The following LUZP1 variants were observed in gnomAD, a reference collection of about 807,000 sequenced individuals.
The protein encoded by LUZP1 is leucine zipper protein 1, also known as filamin mechanobinding actin cross-linking protein.
LUZP1 carries 25 observed loss-of-function variants against 71.3 expected under a neutral mutation model. The observed-to-expected ratio is 0.35, with a 90% CI of 0.26 to 0.49. The LOEUF is 0.49. LUZP1 is among the 20% of genes least tolerant of loss of function. The pLI is 0.99. For synonymous variants in LUZP1, 481 were observed against 506.4 expected, an observed-to-expected ratio of 0.95 and a Z score of 0.67; for missense variants, 1,142 against 1,300.8, an observed-to-expected ratio of 0.88 and a Z score of 1.88.
chr1:23,084,890 G>A (rs1221923005), exon 5 of LUZP1: 2 of 152,592 alleles, frequency 1.3e-5, no homozygotes, highest in African/African-American at 2.4e-5. Flanking sequence ...TACTAGAGCT[G>A]CGCCAACGCA....
intron 3 of LUZP1, among the ~76,000 whole-genome samples, chr1:23,097,872 G>T (rs1643901337): frequency 6.6e-6 from 1 of 152,142 alleles, no homozygotes; most frequent in Non-Finnish European, 1.5e-5. Flanking sequence ...CAGATAGATA[G>T]ATAGGAATTA....
intron 2 of LUZP1, among the ~76,000 whole-genome samples, chr1:23,143,242 C>T (rs981214126): frequency 2.0e-5 from 3 of 151,998 alleles, no homozygotes; most frequent in Non-Finnish European, 4.4e-5. Context: ...CTCCTTACCT[C>T]GTGATCCACC....
intron 2 of LUZP1, among the ~76,000 whole-genome samples, chr1:23,139,507 TC>T (rs1475053105): frequency 6.6e-6 from 1 of 152,162 alleles, no homozygotes; most frequent in Non-Finnish European, 1.5e-5. Flanking sequence ...CTCAGCCTAC[TC>T]AATGTGAAGA....
chr1:23,101,298 A>G (rs1044334810), intron 3 of LUZP1, among the ~76,000 whole-genome samples: 35 of 152,342 alleles, frequency 2.3e-4, no homozygotes, highest in African/African-American at 7.9e-4. Flanking sequence ...TACCTTGCAC[A>G]TAAGTCACAA....
intron 3 of LUZP1, among the ~76,000 whole-genome samples, chr1:23,097,791 A>G (rs1006901837): frequency 3.9e-5 from 6 of 152,196 alleles, no homozygotes; most frequent in African/African-American, 1.4e-4. Flanking sequence ...CCAGTGAGCT[A>G]TGACTGTGCC....
At chr1:23,162,843 T>C (rs1163222986) in intron 2 of LUZP1, 1 of 151,760 alleles carries the variant, frequency 6.6e-6, no homozygotes, top group Non-Finnish European at 1.5e-5. Flanking sequence ...AAACAAACGG[T>C]ATAAAGGGGC....
chr1:23,090,625 G>A (rs1643837263), intron 4 of LUZP1: 3 of 554,746 alleles, frequency 5.4e-6, no homozygotes, highest in Non-Finnish European at 9.6e-6. Flanking sequence ...AGCTGTCTGG[G>A]GGGCAAAAGA....
intron 2 of LUZP1, among the ~76,000 whole-genome samples, chr1:23,136,279 G>C (rs1391960421): frequency 6.9e-6 from 1 of 144,678 alleles, no homozygotes; most frequent in Non-Finnish European, 1.5e-5. Context: ...GGCTGAGGCG[G>C]GCAGATTCCG....
chr1:23,158,058 G>A (rs896670132), intron 2 of LUZP1, among the ~76,000 whole-genome samples: 1 of 151,932 alleles, frequency 6.6e-6, no homozygotes, highest in African/African-American at 2.4e-5. Context: ...CCCCAGAGAT[G>A]ACTATGAAAC....
chr1:23,162,401 A>C lies in LUZP1; in HGVS notation c.-226+6365T>G, dbSNP rs183068985. ...ATGCATTTTTCTGTATATGTATTAT[A>C]TACTTCAATCATAAAGTTTTTAATA... is the stretch of plus-strand genomic sequence containing the variant. On this transcript the variant is annotated intron_variant, in intron 2 of 4. Transcript: ENST00000302291. Among the ~76,000 whole-genome samples, 12 of 152,162 alleles carry C rather than the reference A, an allele frequency of 7.9e-5. No individual in the cohort carries two copies. In the East Asian group the frequency reaches 1.7e-3, roughly 22 times the overall value.
intron 2 of LUZP1, chr1:23,140,253 G>C (rs988895574): frequency 3.3e-5 from 5 of 152,090 alleles, no homozygotes; most frequent in African/African-American, 1.2e-4. Context: ...CTACAACCAT[G>C]GCTGACAAAT....
intron 2 of LUZP1, among the ~76,000 whole-genome samples, chr1:23,120,530 T>C (rs1158399763): frequency 6.6e-6 from 1 of 151,056 alleles, no homozygotes; most frequent in Non-Finnish European, 1.5e-5. Flanking sequence ...TTTTTATTTT[T>C]ATTTTTTTGT....
chr1:23,160,204 T>G (rs1365055132), intron 2 of LUZP1, among the ~76,000 whole-genome samples: 1 of 152,230 alleles, frequency 6.6e-6, no homozygotes, highest in Non-Finnish European at 1.5e-5. Context: ...TATAGAACAT[T>G]CTTCTGCCTT....
At chr1:23,177,049 T>G (rs2148229788) in intron 1 of LUZP1, among the ~76,000 whole-genome samples, 1 of 141,346 alleles carries the variant, frequency 7.1e-6, no homozygotes, top group Admixed American at 7.0e-5. Context: ...GTCCAGTTAA[T>G]TTTTAAATTT....
chr1:23,141,664 T>C (rs1367307341), intron 2 of LUZP1, among the ~76,000 whole-genome samples: 1 of 152,074 alleles, frequency 6.6e-6, no homozygotes, highest in African/African-American at 2.4e-5. Context: ...CATAAAATCA[T>C]CTTGAAGTTT....
In LUZP1 at chr1:23,170,965, G is replaced by C. The variant is rs189340758; in HGVS notation, c.-484-1941C>G. On this transcript the variant is annotated intron_variant, in intron 1 of 4. Transcript: ENST00000302291. ...AAATTAGCCAGGCCTGGTGGTGCCC[G>C]TGCAGTCTCAGCTACTCAGGAGGCT... Among the ~76,000 whole-genome samples, 76 of 151,718 alleles carry C rather than the reference G, an allele frequency of 5.0e-4. 1 individual carries two copies. Among genetic ancestry groups the C allele is most frequent in the African/African-American group, 1.8e-3 (75 of 41,392 alleles).
chr1:23,139,913 G>A (rs947644794), intron 2 of LUZP1, among the ~76,000 whole-genome samples: 1 of 150,622 alleles, frequency 6.6e-6, no homozygotes, highest in Non-Finnish European at 1.5e-5. Flanking sequence ...TCATGCCACT[G>A]TATACCAGTC....
intron 2 of LUZP1, among the ~76,000 whole-genome samples, chr1:23,126,070 T>C (rs983779000): frequency 6.6e-6 from 1 of 152,174 alleles, no homozygotes; most frequent in African/African-American, 2.4e-5. Flanking sequence ...TAAAATACTG[T>C]GAAGTGTGTA....
chr1:23,088,928 T>C, exon 5 of LUZP1: 1 of 1,614,106 alleles, frequency 6.2e-7, no homozygotes, highest in Non-Finnish European at 8.5e-7. Context: ...TGGTTGGCCG[T>C]AATCGTTCCT....
Sources: gnomAD v4.1 joint callset for allele counts (sites outside exome capture counted in the v4.1 genomes callset) on GRCh38, gnomAD v4.1.1 for gene constraint, MANE v1.5 for transcripts, NCBI Gene and HGNC (gene_info 2026-07-23, HGNC 2026-07-21) for gene names.